The following RPH3AL variants were observed in gnomAD, a reference collection of about 807,000 sequenced individuals.
RPH3AL encodes rabphilin 3A like (without C2 domains).
A neutral mutation model predicts 43.1 loss-of-function variants in RPH3AL; 38 were observed. The ratio of observed to expected loss-of-function variants is 0.88; its 90% CI spans 0.68 to 1.15. The LOEUF is 1.15. RPH3AL is among the 50% of genes most tolerant of loss of function. RPH3AL has a pLI of 0.00. For synonymous variants in RPH3AL, 189 were observed against 176.3 expected, an observed-to-expected ratio of 1.07 and a Z score of -0.57; for missense variants, 462 against 423.2, an observed-to-expected ratio of 1.09 and a Z score of -0.81.
chr17:253,619 T>C (rs1194071977), intron 6 of RPH3AL, among the ~76,000 whole-genome samples: 3 of 152,146 alleles, frequency 2.0e-5, no homozygotes, highest in South Asian at 2.1e-4. Context: ...CACTAAGCAA[T>C]AGCTCTCCTC....
intron 5 of RPH3AL, among the ~76,000 whole-genome samples, chr17:309,679 G>A (rs1183744641): frequency 2.2e-5 from 3 of 138,690 alleles, no homozygotes; most frequent in African/African-American, 6.6e-5. Context: ...GATATGGCAC[G>A]TCCCCTGCCC....
chr17:285,826 T>C (rs1300352413), intron 5 of RPH3AL, among the ~76,000 whole-genome samples: 1 of 152,182 alleles, frequency 6.6e-6, no homozygotes, highest in African/African-American at 2.4e-5. Context: ...ACCCGACTGA[T>C]GCACTCATGT....
intron 5 of RPH3AL, among the ~76,000 whole-genome samples, chr17:315,695 ATTGACCTGTAGTCCT>A (rs1413306850): frequency 7.2e-5 from 11 of 151,946 alleles, no homozygotes; most frequent in South Asian, 2.1e-4. Context: ...CCCCACCTCC[ATTGACCTGTAGTCCT>A]TGTGCCCCAC....
chr17:285,834 T>A (rs2042893545), intron 5 of RPH3AL, among the ~76,000 whole-genome samples: 1 of 152,172 alleles, frequency 6.6e-6, no homozygotes, highest in Non-Finnish European at 1.5e-5. Context: ...GATGCACTCA[T>A]GTGCCTGCCC....
chr17:286,810 G>A (rs1248746281), intron 5 of RPH3AL, among the ~76,000 whole-genome samples: 4 of 152,178 alleles, frequency 2.6e-5, no homozygotes, highest in Non-Finnish European at 5.9e-5. Context: ...GCTGCCTCAT[G>A]CACCCTGCAG....
chr17:273,106 G>A (rs79888816), intron 6 of RPH3AL, among the ~76,000 whole-genome samples: 458 of 71,756 alleles, frequency 6.4e-3, no homozygotes, highest in African/African-American at 0.01. Context: ...TGACGTCAGG[G>A]AGAGACCCCA....
At chr17:281,711 A>C (rs1598006117) in intron 6 of RPH3AL, 57 bp downstream of exon 6, 23 of 743,636 alleles carry the variant, frequency 3.1e-5, no homozygotes, top group South Asian at 1.0e-4. Context: ...ACCCATCCCC[A>C]TCTGAGGGCA....
intron 5 of RPH3AL, among the ~76,000 whole-genome samples, chr17:308,456 C>T (rs1356221645): frequency 6.6e-6 from 1 of 152,198 alleles, no homozygotes; most frequent in Non-Finnish European, 1.5e-5. Flanking sequence ...TGGGTATAGA[C>T]CCAAGAGAAT....
intron 5 of RPH3AL, among the ~76,000 whole-genome samples, chr17:294,817 G>A (rs12939288): frequency 7.6e-5 from 4 of 52,396 alleles, no homozygotes; most frequent in East Asian, 6.8e-4. Context: ...AGGGACAGAG[G>A]AGCTGCAGAA....
chr17:250,546 C>T (rs530787581), intron 6 of RPH3AL, among the ~76,000 whole-genome samples: 2 of 145,500 alleles, frequency 1.4e-5, no homozygotes, highest in Admixed American at 6.8e-5. Context: ...TAAGCTCCAT[C>T]GCTGTGGGAC....
chr17:223,696 C>T (rs2041043253), intron 7 of RPH3AL, among the ~76,000 whole-genome samples: 1 of 152,178 alleles, frequency 6.6e-6, no homozygotes, highest in Non-Finnish European at 1.5e-5. Flanking sequence ...ACCATGGGCA[C>T]TGGGATGAGG....
intron 5 of RPH3AL, among the ~76,000 whole-genome samples, chr17:316,860 G>A (rs1378361062): frequency 1.5e-5 from 2 of 136,756 alleles, no homozygotes; most frequent in Middle Eastern, 6.0e-3. Flanking sequence ...CCAGTGATGT[G>A]TAGTCCCTGT....
chr17:337,194 C>A (rs1177628998), intron 1 of RPH3AL, among the ~76,000 whole-genome samples: 4 of 152,128 alleles, frequency 2.6e-5, no homozygotes, highest in African/African-American at 9.7e-5. Flanking sequence ...CAGTTCACTG[C>A]AGCCTCCAAC....
At chr17:239,071 C>T (rs2041467683) in intron 7 of RPH3AL, among the ~76,000 whole-genome samples, 1 of 152,294 alleles carries the variant, frequency 6.6e-6, no homozygotes, top group Admixed American at 6.5e-5. Context: ...GGCCGTTCCC[C>T]ACCCCCTCCT....
intron 3 of RPH3AL, chr17:321,664 C>G: frequency 6.6e-6 from 3 of 454,944 alleles, no homozygotes; most frequent in South Asian, 7.2e-5. Flanking sequence ...TTGCGGGCAA[C>G]AGAGACGGGG....
At chr17:297,204 C>T (rs765219325) in intron 5 of RPH3AL, among the ~76,000 whole-genome samples, 28 of 152,252 alleles carry the variant, frequency 1.8e-4, no homozygotes, top group Non-Finnish European at 3.7e-4. Context: ...AACAGCCCCT[C>T]GCCTATCCCC....
At chr17:351,111 A>G (rs758780294) in intron 1 of RPH3AL, among the ~76,000 whole-genome samples, 14 of 152,088 alleles carry the variant, frequency 9.2e-5, no homozygotes, top group Non-Finnish European at 1.6e-4. Flanking sequence ...GCCAAGGCTC[A>G]GCTTGTCCAC....
At chr17:269,363 G>A (rs909031311) in intron 6 of RPH3AL, among the ~76,000 whole-genome samples, 32 of 152,110 alleles carry the variant, frequency 2.1e-4, no homozygotes, top group African/African-American at 5.8e-4. Flanking sequence ...ATTTGTTTAT[G>A]TTTCATCGTC....
chr17:216,874 G>T (rs377032132), intron 8 of RPH3AL, among the ~76,000 whole-genome samples: 121 of 152,276 alleles, frequency 7.9e-4, no homozygotes, highest in African/African-American at 2.8e-3. Context: ...GGAGAGGGGG[G>T]TGGTGGTACG....
Sources: allele counts gnomAD v4.1 joint callset (sites outside exome capture counted in the v4.1 genomes callset), GRCh38; gene constraint gnomAD v4.1.1; transcripts MANE v1.5; gene names NCBI Gene and HGNC (gene_info 2026-07-23, HGNC 2026-07-21).